The following LRMDA variants were observed in gnomAD, a reference collection of about 807,000 sequenced individuals.
The protein encoded by LRMDA is leucine rich melanocyte differentiation associated, also known as leucine-rich melanocyte differentiation-associated protein.
A neutral mutation model predicts 29.8 loss-of-function variants in LRMDA; 18 were observed. The observed-to-expected ratio is 0.60, with a 90% CI of 0.42 to 0.90. The LOEUF is 0.90. LRMDA is among the 40% of genes least tolerant of loss of function. The probability of loss-of-function intolerance (pLI) is 0.00; values close to 1 mark genes in which losing one functional copy is unlikely to be tolerated. For missense variants in LRMDA, 273 were observed against 273.9 expected (o/e 1.00, Z 0.02); for synonymous variants, 125 against 109.4 (o/e 1.14, Z -0.89).
Position 75,919,111 on chromosome 10 carries a change from G to A in LRMDA, c.132-116897G>A, listed in dbSNP as rs374422615. Among the ~76,000 whole-genome samples, 8 of 152,306 alleles carry A rather than the reference G, an allele frequency of 5.3e-5. No individual in the cohort carries two copies. The East Asian group carries it at 9.6e-4, about 18-fold the overall frequency. On this transcript the variant is annotated intron_variant, in intron 2 of 6. Coordinates refer to ENST00000611255, the MANE Select transcript of LRMDA (RefSeq NM_001305581.2). ...GTCTATTTTAGACAGGAGGACCTGAGGTTCTAAAGAGGCTTAGTGAATTGA... is the reference window on the plus strand; with the variant it reads ...GTCTATTTTAGACAGGAGGACCTGAAGTTCTAAAGAGGCTTAGTGAATTGA...
chr10:76,484,645 TAA>T lies in LRMDA; in HGVS notation c.602-72561_602-72560del, dbSNP rs201860236. The stretch of plus-strand genomic sequence containing the variant: ...AATGATCTTTAATCTGTGATCCTGA[TAA>T]AATCATTTTAGTTTTATGTAGTTTT... On this transcript the variant is annotated intron_variant, in intron 6 of 6. Transcript: ENST00000611255. Among the ~76,000 whole-genome samples, 770 of 152,118 alleles carry T rather than the reference TAA, an allele frequency of 5.1e-3. 9 individuals are homozygous for T. The highest frequency in any genetic ancestry group is 0.018 in the African/African-American group (743 of 41,550).
intron 5 of LRMDA, among the ~76,000 whole-genome samples, chr10:76,204,829 A>G (rs898790137): frequency 3.9e-5 from 6 of 152,208 alleles, no homozygotes; most frequent in African/African-American, 1.4e-4. Flanking sequence ...ATCCTCCACC[A>G]TAAATGAAGA....
chr10:75,811,288 C>T (rs1164374543), intron 2 of LRMDA, among the ~76,000 whole-genome samples: 2 of 152,152 alleles, frequency 1.3e-5, no homozygotes, highest in African/African-American at 4.8e-5. Context: ...CCACCCCCAC[C>T]CCTTGCTGAG....
At chr10:76,511,917 A>G (rs1166283344) in intron 6 of LRMDA, among the ~76,000 whole-genome samples, 1 of 152,122 alleles carries the variant, frequency 6.6e-6, no homozygotes, top group African/African-American at 2.4e-5. Flanking sequence ...AATAACAAAA[A>G]TAATCTTGAA....
At position 75,516,959 on chromosome 10, in the gene LRMDA, C is replaced by T. The variant is rs958943807; in HGVS notation, c.131+78465C>T. 7.9e-5 allele frequency among the ~76,000 whole-genome samples: 12 copies of T among 152,078 alleles called. 1 individual carries two copies. The highest frequency in any genetic ancestry group is 3.3e-4 in the Admixed American group (5 of 15,266). ...CAGCACCATTTATGAAATAGGGAATCGTTTCCCCATTTCTTGTTTTTGTCA... is the reference window on the plus strand; with the variant it reads ...CAGCACCATTTATGAAATAGGGAATTGTTTCCCCATTTCTTGTTTTTGTCA... On this transcript the variant is annotated intron_variant, in intron 2 of 6. Coordinates refer to ENST00000611255, the MANE Select transcript of LRMDA (RefSeq NM_001305581.2).
At chr10:76,114,352 G>T (rs1849629697) in intron 5 of LRMDA, among the ~76,000 whole-genome samples, 1 of 152,180 alleles carries the variant, frequency 6.6e-6, no homozygotes, top group Non-Finnish European at 1.5e-5. Context: ...AGTGGTAGAG[G>T]ATCAGTAAAT....
chr10:75,906,659 A>C (rs2132371930), intron 2 of LRMDA, among the ~76,000 whole-genome samples: 2 of 152,320 alleles, frequency 1.3e-5, no homozygotes, highest in South Asian at 2.1e-4. Flanking sequence ...AGGTTGCTCG[A>C]GGTATGTTTA....
chr10:75,681,432 A>T (rs149263737), intron 2 of LRMDA, among the ~76,000 whole-genome samples: 1 of 152,300 alleles, frequency 6.6e-6, no homozygotes, highest in East Asian at 1.9e-4. Context: ...AGGCATTTGC[A>T]GGTTGACGGT....
rs531797798 is a variant in LRMDA, at chr10:75,672,975, A to T, written c.131+234481A>T. ...AACTGTTTGCCTTTTTTTTTTTTTT[A>T]AATCTCTAAAGACTATAATTCCTTT... is the stretch of plus-strand genomic sequence containing the variant. On this transcript the variant is annotated intron_variant, in intron 2 of 6. Transcript: ENST00000611255. Among the ~76,000 whole-genome samples, 30 of 146,004 alleles carry T rather than the reference A, an allele frequency of 2.1e-4. No homozygotes were observed. In the South Asian group the frequency reaches 4.7e-3, roughly 23 times the overall value.
At chr10:75,990,385 T>A (rs1288357466) in intron 2 of LRMDA, among the ~76,000 whole-genome samples, 3 of 152,216 alleles carry the variant, frequency 2.0e-5, no homozygotes, top group Non-Finnish European at 2.9e-5. Context: ...ACCAGTAGTT[T>A]GTCTTTGAAA....
At position 75,643,732 on chromosome 10, in the gene LRMDA, T is replaced by C. The variant is rs147123334; in HGVS notation, c.131+205238T>C. On this transcript the variant is annotated intron_variant, in intron 2 of 6. Coordinates refer to ENST00000611255, the MANE Select transcript of LRMDA (RefSeq NM_001305581.2). ...ATTAGAATGATGCAATTCTTTAAAA[T>C]TAAAATCCAATTTTCTTTAAAAAAA... 3.9e-5 allele frequency among the ~76,000 whole-genome samples: 6 copies of C among 152,302 alleles called. No homozygotes were observed. In the East Asian group the frequency reaches 1.2e-3, roughly 29 times the overall value.
intron 2 of LRMDA, among the ~76,000 whole-genome samples, chr10:75,841,610 G>A (rs1020113320): frequency 1.3e-5 from 2 of 149,412 alleles, no homozygotes; most frequent in African/African-American, 4.8e-5. Flanking sequence ...GAGGTCTGGT[G>A]GTAACTTATG....
intron 2 of LRMDA, among the ~76,000 whole-genome samples, chr10:75,949,453 C>T (rs1289364216): frequency 6.6e-6 from 1 of 152,182 alleles, no homozygotes; most frequent in Non-Finnish European, 1.5e-5. Flanking sequence ...CCATGTGCTT[C>T]AAAGAGCAGC....
At chr10:76,439,710 C>T (rs1262116296) in intron 6 of LRMDA, among the ~76,000 whole-genome samples, 2 of 152,202 alleles carry the variant, frequency 1.3e-5, no homozygotes. Flanking sequence ...ACTGCGCCTG[C>T]ACCCAGTGCT....
At chr10:75,610,165 T>C (rs867470362) in intron 2 of LRMDA, among the ~76,000 whole-genome samples, 3 of 152,224 alleles carry the variant, frequency 2.0e-5, no homozygotes, top group Non-Finnish European at 4.4e-5. Context: ...GAAAGTGCCA[T>C]GATTCAGTGG....
intron 3 of LRMDA, among the ~76,000 whole-genome samples, chr10:76,042,174 C>G (rs1195910195): frequency 6.6e-6 from 1 of 152,154 alleles, no homozygotes; most frequent in African/African-American, 2.4e-5. Flanking sequence ...AGCATAAAGG[C>G]GAAGGACTGG....
At chr10:76,057,439 G>A (rs1466853933) in intron 4 of LRMDA, among the ~76,000 whole-genome samples, 1 of 152,212 alleles carries the variant, frequency 6.6e-6, no homozygotes, top group Non-Finnish European at 1.5e-5. Flanking sequence ...TCAAGATGTG[G>A]TGAGAGTGAG....
At chr10:75,529,789 A>C (rs1171238324) in intron 2 of LRMDA, among the ~76,000 whole-genome samples, 4 of 152,348 alleles carry the variant, frequency 2.6e-5, no homozygotes, top group Middle Eastern at 3.4e-3. Context: ...TAGCATGAGG[A>C]ATATAATTAT....
chr10:76,254,350 T>C (rs200182555), intron 5 of LRMDA, among the ~76,000 whole-genome samples: 9,397 of 61,596 alleles, frequency 0.15, 344 homozygotes, highest in East Asian at 0.37. Context: ...CATCCTATCC[T>C]ATCCTATCCT....
Sources: gnomAD v4.1 joint callset for allele counts (sites outside exome capture counted in the v4.1 genomes callset) on GRCh38, gnomAD v4.1.1 for gene constraint, MANE v1.5 for transcripts, NCBI Gene and HGNC (gene_info 2026-07-23, HGNC 2026-07-21) for gene names.